Variants in DCAF5 observed in about 807,000 individuals in gnomAD.
The protein encoded by DCAF5 is DDB1- and CUL4-associated factor 5.
DCAF5 carries 9 observed loss-of-function variants against 80.7 expected under a neutral mutation model. The ratio of observed to expected loss-of-function variants is 0.11; its 90% confidence interval spans 0.07 to 0.19. DCAF5 has a LOEUF of 0.19. DCAF5 is among the 10% of genes least tolerant of loss of function. The probability of loss-of-function intolerance (pLI) is 1.00; values close to 1 mark genes in which losing one functional copy is unlikely to be tolerated. For synonymous variants in DCAF5, 433 were observed against 461.9 expected (o/e 0.94, Z 0.80); for missense variants, 842 against 1,205.7 (o/e 0.70, Z 4.47).
intron 5 of DCAF5, among the ~76,000 whole-genome samples, chr14:69,114,006 T>C (rs1001870921): frequency 1.3e-5 from 2 of 152,188 alleles, no homozygotes; most frequent in African/African-American, 4.8e-5. Flanking sequence ...TCAAAGAAAC[T>C]ATAAAACCTT....
intron 5 of DCAF5, among the ~76,000 whole-genome samples, chr14:69,095,237 T>C (rs1594985654): frequency 1.3e-5 from 2 of 152,264 alleles, no homozygotes. Flanking sequence ...AATGCCACTG[T>C]CTCTACTCCT....
intron 1 of DCAF5, among the ~76,000 whole-genome samples, chr14:69,139,429 G>A (rs1041228117): frequency 1.3e-5 from 2 of 152,118 alleles, no homozygotes; most frequent in Non-Finnish European, 1.5e-5. Context: ...AAGCTTAGGA[G>A]GTCGAAGCTT....
chr14:69,146,690 T>C (rs2041547505), intron 1 of DCAF5, among the ~76,000 whole-genome samples: 1 of 152,242 alleles, frequency 6.6e-6, no homozygotes, highest in East Asian at 1.9e-4. Context: ...ACATAATTTA[T>C]ACCTGATTCA....
At chr14:69,110,205 A>G (rs551460566) in intron 5 of DCAF5, among the ~76,000 whole-genome samples, 3 of 146,760 alleles carry the variant, frequency 2.0e-5, no homozygotes, top group Non-Finnish European at 4.5e-5. Flanking sequence ...TAAATTCTGG[A>G]TATTCTTAAT....
chr14:69,108,608 A>G (rs2040246116), intron 5 of DCAF5, among the ~76,000 whole-genome samples: 1 of 152,186 alleles, frequency 6.6e-6, no homozygotes, highest in Non-Finnish European at 1.5e-5. Flanking sequence ...GGATGATTAT[A>G]AGACAGACGA....
chr14:69,075,310 C>A, intron 7 of DCAF5, 35 bp downstream of exon 7: 1 of 1,580,902 alleles, frequency 6.3e-7, no homozygotes, highest in South Asian at 1.1e-5. Context: ...ACAGAGCCAG[C>A]AATAGCAGTA....
Position 69,118,081 on chromosome 14 carries a change from T to A in DCAF5, c.535+58A>T. ...CTGAGGTAATAAATTGGATCTTCAA[T>A]GAATCTGACATCAAACTGTTCAACA... On this transcript the variant is annotated intron_variant, in intron 4 of 8. Coordinates refer to ENST00000341516, the MANE Select transcript of DCAF5 (RefSeq NM_003861.3). The surrounding 1 kb of genome is among the most constrained non-coding windows in gnomAD (Gnocchi z 4.0). The A allele has an allele frequency of 6.3e-7, 1 of 1,598,252 alleles. No homozygotes were observed.
At position 69,142,899 on chromosome 14, in the gene DCAF5, A is replaced by G. The variant is rs114567519; in HGVS notation, c.214+9866T>C. On this transcript the variant is annotated intron_variant, in intron 1 of 8. Transcript: ENST00000341516. ...TTACTTTTAACTGGGCTAACAGACA[A>G]GAGAAACCAACTTGATAACTAGAGT... Among the ~76,000 whole-genome samples the G allele has an allele frequency of 2.2e-3, 334 of 152,380 alleles. 3 individuals are homozygous for G. The highest frequency in any genetic ancestry group is 7.5e-3 in the African/African-American group (312 of 41,594).
At chr14:69,135,553 A>G (rs2041166443) in intron 1 of DCAF5, among the ~76,000 whole-genome samples, 1 of 152,210 alleles carries the variant, frequency 6.6e-6, no homozygotes, top group Non-Finnish European at 1.5e-5. Context: ...TTTTTACTTG[A>G]AATTACTGAA....
intron 5 of DCAF5, among the ~76,000 whole-genome samples, chr14:69,093,951 T>C (rs1220211729): frequency 1.3e-5 from 2 of 152,172 alleles, no homozygotes; most frequent in Non-Finnish European, 2.9e-5. Context: ...AGAAAATGAA[T>C]GACAGGATTG....
chr14:69,090,693 A>ATTTTTCT, intron 6 of DCAF5: 1 of 156,748 alleles, frequency 6.4e-6, no homozygotes, highest in African/African-American at 2.4e-5. Context: ...TCTCAAAGAA[A>ATTTTTCT]TTTTTCTTTT....
At chr14:69,144,694 T>G (rs1397885064) in intron 1 of DCAF5, among the ~76,000 whole-genome samples, 1 of 152,196 alleles carries the variant, frequency 6.6e-6, no homozygotes, top group Non-Finnish European at 1.5e-5. Flanking sequence ...AGATATAATT[T>G]ATCATTTAAG....
At chr14:69,090,298 C>T (rs1301449624) in intron 6 of DCAF5, 1 of 188,262 alleles carries the variant, frequency 5.3e-6, no homozygotes, top group South Asian at 1.8e-4. Context: ...TGTTTCTTCC[C>T]ACCCAAGAAA....
chr14:69,142,927 A>G (rs1314686262), intron 1 of DCAF5, among the ~76,000 whole-genome samples: 1 of 152,206 alleles, frequency 6.6e-6, no homozygotes, highest in African/African-American at 2.4e-5. Context: ...ACTAGAGTAT[A>G]CCTACTCCTA....
At chr14:69,095,564 C>CAA (rs75683171) in intron 5 of DCAF5, among the ~76,000 whole-genome samples, 2 of 151,890 alleles carry the variant, frequency 1.3e-5, no homozygotes, top group East Asian at 1.9e-4. Flanking sequence ...CACACACACA[C>CAA]AAAAACCACT....
chr14:69,120,102 G>A (rs1321345594), intron 2 of DCAF5, among the ~76,000 whole-genome samples: 1 of 151,194 alleles, frequency 6.6e-6, no homozygotes, highest in Non-Finnish European at 1.5e-5. Context: ...TCTTTCTTTC[G>A]AGACAGGATC....
intron 1 of DCAF5, among the ~76,000 whole-genome samples, chr14:69,127,738 T>G (rs2140084789): frequency 6.6e-6 from 1 of 152,290 alleles, no homozygotes; most frequent in African/African-American, 2.4e-5. Context: ...GCTATGCAGG[T>G]GTGGGAATAA....
chr14:69,088,099 A>G (rs2039406321), intron 6 of DCAF5, among the ~76,000 whole-genome samples: 1 of 152,216 alleles, frequency 6.6e-6, no homozygotes, highest in Non-Finnish European at 1.5e-5. Context: ...AAGCTGGCCC[A>G]TTTAGATGGG....
At chr14:69,148,702 G>A (rs1295284886) in intron 1 of DCAF5, among the ~76,000 whole-genome samples, 4 of 151,830 alleles carry the variant, frequency 2.6e-5, no homozygotes, top group East Asian at 1.9e-4. Flanking sequence ...TGCCCCCACC[G>A]CCCAAAAAAA....
Sources: allele counts gnomAD v4.1 joint callset (sites outside exome capture counted in the v4.1 genomes callset), GRCh38; gene constraint gnomAD v4.1.1; non-coding constraint Gnocchi (gnomAD v3.1); transcripts MANE v1.5; gene names NCBI Gene and HGNC (gene_info 2026-07-23, HGNC 2026-07-21).